The following RSPRY1 variants were observed in gnomAD, a reference collection of about 807,000 sequenced individuals.
The protein encoded by RSPRY1 is RING finger and SPRY domain-containing protein 1.
A neutral mutation model predicts 73.1 loss-of-function variants in RSPRY1; 23 were observed. The observed-to-expected ratio is 0.31, with a 90% CI of 0.23 to 0.45. RSPRY1 has a LOEUF of 0.45. RSPRY1 is among the 20% of genes least tolerant of loss of function. The pLI is 1.00. For synonymous variants in RSPRY1, 226 were observed against 251.4 expected, an observed-to-expected ratio of 0.90 and a Z score of 0.95; for missense variants, 448 against 698.7, an observed-to-expected ratio of 0.64 and a Z score of 4.05.
intron 6 of RSPRY1, among the ~76,000 whole-genome samples, chr16:57,215,027 CAA>C (rs1403105827): frequency 4.0e-5 from 5 of 125,698 alleles, no homozygotes; most frequent in Non-Finnish European, 3.4e-5. Flanking sequence ...GACTCCATCT[CAA>C]AAAAAAAAAA....
At chr16:57,213,209 A>G in intron 5 of RSPRY1, 111 bp downstream of exon 5, 1 of 1,083,914 alleles carries the variant, frequency 9.2e-7, no homozygotes, top group Non-Finnish European at 1.3e-6. Context: ...ATCTCTTAAA[A>G]ATGATATTGA....
intron 1 of RSPRY1, among the ~76,000 whole-genome samples, chr16:57,189,892 C>T (rs536610380): frequency 2.0e-4 from 30 of 152,062 alleles, no homozygotes; most frequent in East Asian, 9.7e-4. Context: ...TGCCTGGCCT[C>T]GTGAGCTTAA....
At position 57,213,904 on chromosome 16, in the gene RSPRY1, T is replaced by G; in HGVS notation, c.660T>G (p.Gly220=). The change falls in exon 6 of 15, where the codon GGT becomes GGG. Residue 220 remains glycine (G), a synonymous_variant. Transcript: ENST00000394420. The part of the protein sequence containing the change: ...AEKLAGPASI[G]LLSPGILEYL... ...TTTGTCTAGGTCCTGCAAGTATAGG[T>G]TTACTTAGCCCAGGAATACTGGAAT... 2 of 1,607,794 alleles carry G rather than the reference T, an allele frequency of 1.2e-6. No individual in the cohort carries two copies. Among genetic ancestry groups the G allele is most frequent in the Non-Finnish European group, 1.7e-6 (2 of 1,174,172 alleles).
chr16:57,227,473 T>A lies in RSPRY1; in HGVS notation c.1273+20T>A. 6.4e-7 allele frequency: 1 copy of A among 1,551,886 alleles called. No individual in the cohort carries two copies. Among genetic ancestry groups the A allele is most frequent in the Non-Finnish European group, 8.9e-7 (1 of 1,123,706 alleles). On this transcript the variant is annotated intron_variant, in intron 11 of 14. Transcript: ENST00000394420. ...AAGAAGGTATTCATTCCCTCCATTA[T>A]AAATTTATCAAGTGGGTTAAGACAT...
At chr16:57,209,323 T>C (rs543977109) in intron 4 of RSPRY1, 136 bp downstream of exon 4, 99 of 588,416 alleles carry the variant, frequency 1.7e-4, no homozygotes, top group Non-Finnish European at 2.5e-4. Context: ...GATTTTGTTA[T>C]GTAAATTTAT....
chr16:57,230,597 T>TGCATA (rs1229958078), intron 11 of RSPRY1, 114 bp from the exon 12 acceptor site: 5 of 567,568 alleles, frequency 8.8e-6, no homozygotes, highest in Non-Finnish European at 1.6e-5. Flanking sequence ...ACATGTTGAA[T>TGCATA]GCATAGCTAA....
intron 1 of RSPRY1, among the ~76,000 whole-genome samples, chr16:57,188,607 C>T (rs1471229954): frequency 6.6e-6 from 1 of 152,112 alleles, no homozygotes; most frequent in Non-Finnish European, 1.5e-5. Flanking sequence ...ACCTCCGCCT[C>T]CTGGGTTCAA....
chr16:57,200,755 A>G (rs1445063444), intron 1 of RSPRY1, among the ~76,000 whole-genome samples: 2 of 113,484 alleles, frequency 1.8e-5, no homozygotes, highest in Non-Finnish European at 3.6e-5. Context: ...GGCGCCCCTC[A>G]CCTCCCGGAT....
chr16:57,236,502 A>T (rs1397695772), intron 14 of RSPRY1, among the ~76,000 whole-genome samples: 1 of 152,184 alleles, frequency 6.6e-6, no homozygotes, highest in African/African-American at 2.4e-5. Flanking sequence ...AATGAATTAC[A>T]AGAGTCAATC....
rs2074173198 is a variant in RSPRY1, at chr16:57,186,340, A to C, written c.-267A>C. 1 of 197,042 alleles carries C rather than the reference A, an allele frequency of 5.1e-6. No individual in the cohort carries two copies. The highest frequency in any genetic ancestry group is 9.2e-6 in the Non-Finnish European group (1 of 108,358). 12.2% of individuals were successfully genotyped at this position (197,042 alleles called of 1,614,324 possible). A position where few individuals can be genotyped will look rare whatever the true frequency, so the allele number is the denominator to read the frequency against. ...GAAGCGGGGGTGGGCTCTGCGCGTA[A>C]TGGCAGCGCCGTGGCCTCGCGTCCA... On this transcript the variant is annotated 5_prime_UTR_variant, in exon 1 of 15. It removes an upstream start codon present in the reference 5' UTR. Transcript: ENST00000394420.
rs966041706 is a variant in RSPRY1 at position 57,213,024 on chromosome 16, G to T, written c.569G>T (p.Cys190Phe). The T allele has an allele frequency of 6.2e-7, 1 of 1,613,990 alleles. No individual in the cohort carries two copies. Among genetic ancestry groups the T allele is most frequent in the African/African-American group, 1.3e-5 (1 of 74,904 alleles). Residue 190 changes from cysteine to phenylalanine, a missense_variant, in exon 5 of 15, where the codon TGC (cysteine) becomes TTC (phenylalanine). By Grantham distance (205) the Cys-to-Phe change is radical (BLOSUM62 -2). Transcript: ENST00000394420. ...EILNLNGEVA[C>F]QDSSHPAKHR... ...CTCAATTTAAATGGAGAAGTAGCTT[G>T]CCAGGACTCAAGCCATCCTGCCAAA...
At chr16:57,230,993 A>G (rs991127195) in intron 12 of RSPRY1, among the ~76,000 whole-genome samples, 174 bp from the exon 13 acceptor site, 9 of 152,248 alleles carry the variant, frequency 5.9e-5, no homozygotes, top group Non-Finnish European at 1.3e-4. Context: ...ACAGGAAGAT[A>G]AGGCAGAATA....
At position 57,216,419 on chromosome 16, in the gene RSPRY1, T is replaced by C; in HGVS notation, c.769+246T>C. 8 of 459,464 alleles carry C rather than the reference T, an allele frequency of 1.7e-5. No homozygotes were observed. The South Asian group carries it at 2.7e-4, about 15-fold the overall frequency. The allele number at this position is 459,464 out of a possible 1,614,324, so 28.5% of individuals were successfully genotyped here. On this transcript the variant is annotated intron_variant, in intron 7 of 14. Transcript: ENST00000394420. Reference sequence around the variant, plus strand: ...TTTTATAGCCAAAAATTTAGTGATGTGATTGCTAGTTTCTAGAAAAAAGTA... The same window carrying C: ...TTTTATAGCCAAAAATTTAGTGATGCGATTGCTAGTTTCTAGAAAAAAGTA...
intron 6 of RSPRY1, among the ~76,000 whole-genome samples, chr16:57,215,079 C>CG (rs1314768311): frequency 6.6e-6 from 1 of 151,714 alleles, no homozygotes; most frequent in African/African-American, 2.4e-5. Flanking sequence ...TAATGAGAGC[C>CG]GGGGTGTCAT....
intron 7 of RSPRY1, chr16:57,216,625 CG>C (rs2074945596): frequency 1.3e-5 from 5 of 399,304 alleles, no homozygotes; most frequent in East Asian, 5.0e-5. Flanking sequence ...GATGCTGAGG[CG>C]GGGGGATCAC....
intron 3 of RSPRY1, among the ~76,000 whole-genome samples, chr16:57,208,865 G>A (rs1257062412): frequency 6.6e-6 from 1 of 152,068 alleles, no homozygotes; most frequent in South Asian, 2.1e-4. Context: ...CCAAATAAAG[G>A]TACCCACAAA....
intron 10 of RSPRY1, among the ~76,000 whole-genome samples, chr16:57,224,892 T>C (rs2075096601): frequency 6.6e-6 from 1 of 152,264 alleles, no homozygotes; most frequent in African/African-American, 2.4e-5. Flanking sequence ...TCAAGTGTTC[T>C]GTCAAGGACT....
At chr16:57,237,982 C>T (rs1452794406) in intron 14 of RSPRY1, among the ~76,000 whole-genome samples, 2 of 152,092 alleles carry the variant, frequency 1.3e-5, no homozygotes, top group African/African-American at 4.8e-5. Flanking sequence ...ATAAGGATGC[C>T]TACTGTCACC....
intron 6 of RSPRY1, among the ~76,000 whole-genome samples, chr16:57,215,313 A>G (rs1401850185): frequency 6.6e-6 from 1 of 152,232 alleles, no homozygotes; most frequent in Non-Finnish European, 1.5e-5. Context: ...AAAGCCAGGC[A>G]GAGGGATTTA....
Sources: gnomAD v4.1 joint callset for allele counts (sites outside exome capture counted in the v4.1 genomes callset) on GRCh38, gnomAD v4.1.1 for gene constraint, MANE v1.5 for transcripts, NCBI Gene and HGNC (gene_info 2026-07-23, HGNC 2026-07-21) for gene names.